The following CSMD3 variants were observed in gnomAD, a reference collection of about 807,000 sequenced individuals.
CSMD3 encodes CUB and Sushi multiple domains 3.
In CSMD3, 177 loss-of-function variants were observed where a neutral mutation model predicts 435.2. The ratio of observed to expected loss-of-function variants is 0.41; its 90% CI spans 0.36 to 0.46. CSMD3 has a LOEUF of 0.46. Ranked by LOEUF, CSMD3 falls within the 20% of genes least tolerant of loss-of-function variation. The pLI is 0.34. For missense variants in CSMD3, 4,265 were observed against 4,504.6 expected (o/e 0.95, Z 1.52); for synonymous variants, 1,656 against 1,520.5 (o/e 1.09, Z -2.07).
chr8:112,780,757 A>G (rs1219014568), intron 13 of CSMD3, among the ~76,000 whole-genome samples: 1 of 152,058 alleles, frequency 6.6e-6, no homozygotes, highest in Non-Finnish European at 1.5e-5. Context: ...GTGTCCATGG[A>G]GGAAACATTT....
intron 11 of CSMD3, among the ~76,000 whole-genome samples, chr8:112,854,823 G>T (rs1407454990): frequency 6.6e-6 from 1 of 151,970 alleles, no homozygotes; most frequent in Non-Finnish European, 1.5e-5. Context: ...TTCACCTGAG[G>T]CAATTACCTT....
intron 3 of CSMD3, among the ~76,000 whole-genome samples, chr8:113,201,174 A>G (rs936695131): frequency 6.6e-6 from 1 of 152,000 alleles, no homozygotes; most frequent in Non-Finnish European, 1.5e-5. Context: ...AAGGATTCTA[A>G]AATGCTAAAA....
At chr8:112,344,669 C>T (rs1232601180) in intron 41 of CSMD3, among the ~76,000 whole-genome samples, 1 of 152,028 alleles carries the variant, frequency 6.6e-6, no homozygotes, top group Non-Finnish European at 1.5e-5. Flanking sequence ...CAATCAAGCA[C>T]TTCTTTTAGT....
intron 1 of CSMD3, 123 bp downstream of exon 1, chr8:113,436,554 A>AGTC (rs1319789138): frequency 2.6e-6 from 2 of 766,524 alleles, no homozygotes; most frequent in Non-Finnish European, 4.3e-6. Flanking sequence ...CTGTGAATCA[A>AGTC]CTCCTTTAGT....
chr8:113,393,996 G>A (rs1646620265), intron 1 of CSMD3, among the ~76,000 whole-genome samples: 1 of 151,940 alleles, frequency 6.6e-6, no homozygotes, highest in African/African-American at 2.4e-5. Context: ...TATAAAGTGA[G>A]GTTTAGTATA....
chr8:112,953,716 T>G (rs891594662), intron 8 of CSMD3, among the ~76,000 whole-genome samples: 4 of 151,584 alleles, frequency 2.6e-5, no homozygotes, highest in African/African-American at 9.6e-5. Context: ...TATGTACAAG[T>G]CAATAAACAT....
In CSMD3 at chr8:112,292,837, G is replaced by A. The variant is rs1287847997; in HGVS notation, c.8615-127C>T. 13 of 790,778 alleles carry A rather than the reference G, an allele frequency of 1.6e-5. No homozygotes were observed. In the Admixed American group the frequency reaches 1.8e-4, roughly 11 times the overall value. The allele number at this position is 790,778 out of a possible 1,614,324, so 49.0% of individuals were successfully genotyped here. ...TAGAAAGAAGACTACTTTTTATCTG[G>A]AAATATACGGAAAGTACATTTACTA... On this transcript the variant is annotated intron_variant, in intron 54 of 70. Coordinates refer to ENST00000297405, the MANE Select transcript of CSMD3 (RefSeq NM_198123.2).
chr8:112,700,308 C>A (rs964679427), intron 13 of CSMD3, among the ~76,000 whole-genome samples: 3 of 151,778 alleles, frequency 2.0e-5, no homozygotes, highest in African/African-American at 7.3e-5. Flanking sequence ...TGAGAGCAGC[C>A]TGGCCAACAT....
At chr8:113,209,690 A>G (rs2132070146) in intron 3 of CSMD3, among the ~76,000 whole-genome samples, 1 of 152,296 alleles carries the variant, frequency 6.6e-6, no homozygotes, top group Middle Eastern at 3.4e-3. Context: ...ATGAAGCAGA[A>G]AACACAAAGG....
intron 23 of CSMD3, among the ~76,000 whole-genome samples, chr8:112,577,968 T>C (rs766574057): frequency 3.0e-4 from 45 of 152,080 alleles, no homozygotes; most frequent in Admixed American, 1.5e-3. Flanking sequence ...CATGAACATA[T>C]GTATAATCAT....
intron 63 of CSMD3, among the ~76,000 whole-genome samples, chr8:112,250,844 T>C (rs1815193393): frequency 6.6e-6 from 1 of 151,830 alleles, no homozygotes; most frequent in South Asian, 2.1e-4. Flanking sequence ...TGATTTAAAG[T>C]ACCATGTTGT....
At chr8:112,438,109 T>C (rs1814580055) in intron 32 of CSMD3, among the ~76,000 whole-genome samples, 1 of 152,212 alleles carries the variant, frequency 6.6e-6, no homozygotes, top group South Asian at 2.1e-4. Flanking sequence ...ATCTCTGATA[T>C]GTTTCTTGCT....
chr8:112,931,808 AG>A (rs2083117739), intron 9 of CSMD3, among the ~76,000 whole-genome samples: 1 of 152,232 alleles, frequency 6.6e-6, no homozygotes, highest in African/African-American at 2.4e-5. Flanking sequence ...CATTTCTTAA[AG>A]GAAGACATAC....
At chr8:112,378,990 A>T (rs1342129332) in intron 38 of CSMD3, among the ~76,000 whole-genome samples, 1 of 152,212 alleles carries the variant, frequency 6.6e-6, no homozygotes, top group African/African-American at 2.4e-5. Flanking sequence ...GAACTAATAA[A>T]TGAATCAGTA....
rs1486986682 is a variant in CSMD3, at chr8:112,902,773, A to T, written c.1633+18854T>A. 1.5e-4 allele frequency among the ~76,000 whole-genome samples: 23 copies of T among 151,362 alleles called. No individual in the cohort carries two copies. The Admixed American group carries it at 1.5e-3, about 10-fold the overall frequency. On this transcript the variant is annotated intron_variant, in intron 10 of 70. Coordinates refer to ENST00000297405, the MANE Select transcript of CSMD3 (RefSeq NM_198123.2). Reference sequence around the variant, plus strand: ...ACGGATTTAATACAGTCCAAAAGTGATTGACCTATTGTCACAAAAAGCATT... The same window carrying T: ...ACGGATTTAATACAGTCCAAAAGTGTTTGACCTATTGTCACAAAAAGCATT...
chr8:112,400,388 G>T (rs1831217577), intron 35 of CSMD3, among the ~76,000 whole-genome samples: 1 of 152,150 alleles, frequency 6.6e-6, no homozygotes, highest in African/African-American at 2.4e-5. Flanking sequence ...TTAGGGGTTA[G>T]AATTTTTACA....
chr8:112,660,304 G>T (rs2075350383), intron 17 of CSMD3, among the ~76,000 whole-genome samples: 1 of 152,090 alleles, frequency 6.6e-6, no homozygotes, highest in Admixed American at 6.6e-5. Flanking sequence ...GGAAGTGATA[G>T]GCATATTTAT....
intron 50 of CSMD3, among the ~76,000 whole-genome samples, chr8:112,307,164 G>A (rs555204714): frequency 2.6e-5 from 4 of 151,388 alleles, no homozygotes; most frequent in East Asian, 3.9e-4. Flanking sequence ...TCAATCTGCC[G>A]CCTGGCTGGA....
chr8:112,515,367 T>C (rs1823562257), intron 28 of CSMD3, among the ~76,000 whole-genome samples: 1 of 152,144 alleles, frequency 6.6e-6, no homozygotes, highest in Non-Finnish European at 1.5e-5. Context: ...AGATATGTGG[T>C]CAAATTCCAA....
Sources: allele counts gnomAD v4.1 joint callset (sites outside exome capture counted in the v4.1 genomes callset), GRCh38; gene constraint gnomAD v4.1.1; transcripts MANE v1.5; gene names NCBI Gene and HGNC (gene_info 2026-07-23, HGNC 2026-07-21).